RBFOX1: variants seen among roughly 807,000 people sequenced by gnomAD.
The protein encoded by RBFOX1 is RNA binding protein fox-1 homolog 1.
In RBFOX1, 8 loss-of-function variants were observed where a neutral mutation model predicts 57.7. The observed-to-expected ratio is 0.14, with a 90% CI of 0.08 to 0.25. The LOEUF is 0.25. Among genes scored for constraint, RBFOX1 ranks in the 10% least tolerant of loss-of-function variants. The probability of loss-of-function intolerance (pLI) is 1.00; values close to 1 mark genes in which losing one functional copy is unlikely to be tolerated. For missense variants in RBFOX1, 611 were observed against 548.5 expected (o/e 1.11, Z -1.14); for synonymous variants, 326 against 222.4 (o/e 1.47, Z -4.15).
Position 6,749,442 on chromosome 16 carries a change from T to A in RBFOX1, c.-16+94792T>A, listed in dbSNP as rs1292740409. ...CTTGCTGTTACGGTCACTCAGGCAA[T>A]TTATACTCATAACCGTCCGGGGAGG... On this transcript the variant is annotated intron_variant, in intron 3 of 15. Transcript: ENST00000550418. 2.6e-5 allele frequency among the ~76,000 whole-genome samples: 4 copies of A among 152,248 alleles called. No homozygotes were observed. The East Asian group carries it at 5.8e-4, about 22-fold the overall frequency.
intron 3 of RBFOX1, among the ~76,000 whole-genome samples, chr16:6,995,290 T>TTGTGTGTGTGTGTG (rs57039390): frequency 2.5e-3 from 343 of 138,398 alleles, no homozygotes; most frequent in South Asian, 5.0e-3. Context: ...GAAAGTAGCC[T>TTGTGTGTGTGTGTG]TGTGTGTGTG....
At chr16:6,555,777 C>A (rs1282029281) in intron 2 of RBFOX1, among the ~76,000 whole-genome samples, 2 of 152,152 alleles carry the variant, frequency 1.3e-5, no homozygotes, top group Non-Finnish European at 2.9e-5. Flanking sequence ...TTTAGTTACG[C>A]ACTTGTGTGT....
intron 4 of RBFOX1, among the ~76,000 whole-genome samples, chr16:7,253,593 C>G (rs546908288): frequency 6.6e-6 from 1 of 152,180 alleles, no homozygotes; most frequent in Non-Finnish European, 1.5e-5. Context: ...TGAATGCTCT[C>G]ATTTCCAGCC....
At chr16:5,339,027 C>G (rs747096516) in intron 1 of RBFOX1, among the ~76,000 whole-genome samples, 1 of 151,602 alleles carries the variant, frequency 6.6e-6, no homozygotes, top group Non-Finnish European at 1.5e-5. Flanking sequence ...GTGGCAAGAA[C>G]ACAAAATCTC....
intron 3 of RBFOX1, among the ~76,000 whole-genome samples, chr16:6,830,947 A>G (rs1434484866): frequency 1.3e-5 from 2 of 152,132 alleles, no homozygotes; most frequent in Non-Finnish European, 2.9e-5. Context: ...GAATCCATGG[A>G]TATTTTATTT....
chr16:7,093,405 C>T (rs2061183046), intron 4 of RBFOX1, among the ~76,000 whole-genome samples: 2 of 152,164 alleles, frequency 1.3e-5, no homozygotes, highest in Admixed American at 1.3e-4. Context: ...TTCTTGCATA[C>T]CCAGCCCACT....
intron 5 of RBFOX1, among the ~76,000 whole-genome samples, chr16:7,568,732 A>G (rs1191788797): frequency 6.6e-6 from 1 of 151,726 alleles, no homozygotes; most frequent in Non-Finnish European, 1.5e-5. Flanking sequence ...AAAAATACAA[A>G]AAAAATTAGC....
chr16:7,253,204 A>G (rs1451448924), intron 4 of RBFOX1, among the ~76,000 whole-genome samples: 1 of 152,192 alleles, frequency 6.6e-6, no homozygotes, highest in African/African-American at 2.4e-5. Flanking sequence ...GACCAAGACA[A>G]AAGAACCTGT....
rs372959776 is a variant in RBFOX1 at position 7,150,409 on chromosome 16, G to A, written c.27+98311G>A. ...TTGAGAACGTCATGAATTGGTCCCC[G>A]GGCTGTATTTGAAAACTGCTGAATC... On this transcript the variant is annotated intron_variant, in intron 4 of 15. Coordinates refer to ENST00000550418, the MANE Select transcript of RBFOX1 (RefSeq NM_018723.4). Among the ~76,000 whole-genome samples, 21 of 152,120 alleles carry A rather than the reference G, an allele frequency of 1.4e-4. No homozygotes were observed. In the South Asian group the frequency reaches 2.5e-3, roughly 18 times the overall value.
At chr16:5,660,249 C>T (rs2049600983) in intron 3 of RBFOX1, among the ~76,000 whole-genome samples, 1 of 151,342 alleles carries the variant, frequency 6.6e-6, no homozygotes, top group African/African-American at 2.4e-5. Flanking sequence ...TTCTCAAGCG[C>T]CCCAGTGAGA....
intron 3 of RBFOX1, among the ~76,000 whole-genome samples, chr16:5,834,260 C>T (rs2056378834): frequency 6.6e-6 from 1 of 152,224 alleles, no homozygotes; most frequent in South Asian, 2.1e-4. Context: ...GTTTTTCATG[C>T]CCCCTTCTGA....
intron 10 of RBFOX1, among the ~76,000 whole-genome samples, chr16:7,616,321 C>T (rs1159963924): frequency 1.3e-5 from 2 of 152,156 alleles, no homozygotes; most frequent in African/African-American, 4.8e-5. Context: ...TTAATTTTTC[C>T]AGAAATGGCA....
At chr16:6,284,445 C>G (rs1485045832) in intron 1 of RBFOX1, among the ~76,000 whole-genome samples, 2 of 152,138 alleles carry the variant, frequency 1.3e-5, no homozygotes, top group African/African-American at 2.4e-5. Flanking sequence ...AGATGTCATT[C>G]ACAACCAGTG....
chr16:6,775,196 G>T (rs2079104908), intron 3 of RBFOX1, among the ~76,000 whole-genome samples: 1 of 150,648 alleles, frequency 6.6e-6, no homozygotes, highest in Non-Finnish European at 1.5e-5. Flanking sequence ...AGTTAGCCTG[G>T]TGTGGTTCGG....
chr16:7,129,900 C>T (rs1364956579), intron 4 of RBFOX1, among the ~76,000 whole-genome samples: 1 of 151,956 alleles, frequency 6.6e-6, no homozygotes, highest in African/African-American at 2.4e-5. Flanking sequence ...GAATGACCCT[C>T]TAGATGATAA....
intron 4 of RBFOX1, among the ~76,000 whole-genome samples, chr16:7,174,877 G>T (rs998209560): frequency 5.3e-5 from 8 of 152,106 alleles, no homozygotes; most frequent in African/African-American, 1.9e-4. Context: ...AAGCATCCAG[G>T]TTGTGCCACA....
At chr16:6,389,584 A>C (rs183233203) in intron 2 of RBFOX1, among the ~76,000 whole-genome samples, 4 of 152,250 alleles carry the variant, frequency 2.6e-5, no homozygotes, top group African/African-American at 9.6e-5. Flanking sequence ...GTGATCTTTT[A>C]ATCTTGGATG....
chr16:7,363,817 C>T (rs563981306), intron 4 of RBFOX1, among the ~76,000 whole-genome samples: 1 of 152,036 alleles, frequency 6.6e-6, no homozygotes, highest in Non-Finnish European at 1.5e-5. Flanking sequence ...CCCAGAATCT[C>T]CCGTCAGTCT....
chr16:7,013,071 A>G (rs1172949846), intron 3 of RBFOX1, among the ~76,000 whole-genome samples: 1 of 152,078 alleles, frequency 6.6e-6, no homozygotes, highest in Non-Finnish European at 1.5e-5. Flanking sequence ...CCTTATGAGG[A>G]TCTTACTTTT....
Sources: allele counts gnomAD v4.1 joint callset (sites outside exome capture counted in the v4.1 genomes callset), GRCh38; gene constraint gnomAD v4.1.1; transcripts MANE v1.5; gene names NCBI Gene and HGNC (gene_info 2026-07-23, HGNC 2026-07-21).